The following RBFOX1 variants were observed in gnomAD, a reference collection of about 807,000 sequenced individuals.
The protein encoded by RBFOX1 is RNA binding protein fox-1 homolog 1.
In RBFOX1, 8 loss-of-function variants were observed where a neutral mutation model predicts 57.7. That is an observed-to-expected ratio of 0.14 (90% CI 0.08 to 0.25). The LOEUF (loss-of-function observed/expected upper bound fraction) is 0.25. RBFOX1 is among the 10% of genes least tolerant of loss of function. The pLI is 1.00. For synonymous variants in RBFOX1, 326 were observed against 222.4 expected (o/e 1.47, Z -4.15); for missense variants, 611 against 548.5 (o/e 1.11, Z -1.14).
In RBFOX1 at chr16:6,996,678, T is replaced by G. The variant is rs2092279642; in HGVS notation, c.-15-55379T>G. Among the ~76,000 whole-genome samples, 7 of 152,216 alleles carry G rather than the reference T, an allele frequency of 4.6e-5. No individual in the cohort carries two copies. The South Asian group carries it at 1.5e-3, about 32-fold the overall frequency. ...AGTTTGTCTGAGGTCACAGAGGTAG[T>G]AAGTGGCAGGATTGGGATTCAATTG... is the stretch of plus-strand genomic sequence containing the variant. On this transcript the variant is annotated intron_variant, in intron 3 of 15. Transcript: ENST00000550418.
intron 12 of RBFOX1, among the ~76,000 whole-genome samples, chr16:7,660,447 G>A (rs1225812197): frequency 6.6e-6 from 1 of 151,986 alleles, no homozygotes; most frequent in Middle Eastern, 3.3e-3. Flanking sequence ...ATGGATCCCT[G>A]TGCCTCTTTC....
intron 4 of RBFOX1, among the ~76,000 whole-genome samples, chr16:7,351,900 A>C (rs1295546100): frequency 6.6e-6 from 1 of 152,116 alleles, no homozygotes; most frequent in African/African-American, 2.4e-5. Flanking sequence ...GCTGCCAAGG[A>C]GTTTCCAACC....
chr16:6,975,759 C>G (rs930353909), intron 3 of RBFOX1, among the ~76,000 whole-genome samples: 4 of 152,036 alleles, frequency 2.6e-5, no homozygotes, highest in South Asian at 2.1e-4. Flanking sequence ...TCCTATGACC[C>G]CTAAAGTGTA....
intron 4 of RBFOX1, among the ~76,000 whole-genome samples, chr16:7,250,403 A>G (rs963907943): frequency 6.6e-6 from 1 of 152,314 alleles, no homozygotes; most frequent in Admixed American, 6.5e-5. Context: ...ATATAAAGCC[A>G]TTTCTTCATT....
At chr16:5,627,646 C>T (rs918045467) in intron 3 of RBFOX1, among the ~76,000 whole-genome samples, 6 of 152,112 alleles carry the variant, frequency 3.9e-5, no homozygotes, top group African/African-American at 1.4e-4. Flanking sequence ...AGTAGAAGTA[C>T]AGTTGCCCCT....
chr16:5,776,709 A>G (rs74006282), intron 3 of RBFOX1, among the ~76,000 whole-genome samples: 1 of 152,330 alleles, frequency 6.6e-6, no homozygotes, highest in African/African-American at 2.4e-5. Context: ...TGGGATTTCA[A>G]CCCAGACAGT....
intron 4 of RBFOX1, among the ~76,000 whole-genome samples, chr16:7,511,577 C>G (rs2075094651): frequency 6.6e-6 from 1 of 152,160 alleles, no homozygotes. Context: ...GCAATGATAG[C>G]CAGGCTATTT....
At chr16:7,433,101 G>C (rs376228812) in intron 4 of RBFOX1, among the ~76,000 whole-genome samples, 3 of 152,092 alleles carry the variant, frequency 2.0e-5, no homozygotes, top group Admixed American at 6.5e-5. Flanking sequence ...GGATAGTTGG[G>C]GTTGGTGTGC....
At chr16:5,727,607 A>G (rs2052200800) in intron 3 of RBFOX1, among the ~76,000 whole-genome samples, 1 of 152,186 alleles carries the variant, frequency 6.6e-6, no homozygotes, top group Non-Finnish European at 1.5e-5. Context: ...CAAAGTTTGT[A>G]TACTTAGACC....
At chr16:7,618,829 C>A (rs1222696650) in intron 10 of RBFOX1, among the ~76,000 whole-genome samples, 1 of 152,158 alleles carries the variant, frequency 6.6e-6, no homozygotes, top group Non-Finnish European at 1.5e-5. Flanking sequence ...GTAACTTCAT[C>A]AGTGACAGTT....
At chr16:7,172,763 G>T (rs778001611) in intron 4 of RBFOX1, among the ~76,000 whole-genome samples, 2 of 152,156 alleles carry the variant, frequency 1.3e-5, no homozygotes, top group Non-Finnish European at 2.9e-5. Context: ...AGAGGTGTCA[G>T]TCTTGGCTTT....
chr16:6,794,860 T>C (rs1406146823), intron 3 of RBFOX1, among the ~76,000 whole-genome samples: 1 of 152,126 alleles, frequency 6.6e-6, no homozygotes, highest in African/African-American at 2.4e-5. Flanking sequence ...CAAGGGCTTT[T>C]TTCCCCCTAT....
At chr16:7,031,325 A>G (rs183074780) in intron 3 of RBFOX1, among the ~76,000 whole-genome samples, 33 of 152,190 alleles carry the variant, frequency 2.2e-4, no homozygotes, top group South Asian at 4.1e-4. Flanking sequence ...GCTGGGTGCT[A>G]TGGCTCATAC....
intron 3 of RBFOX1, among the ~76,000 whole-genome samples, chr16:5,657,894 G>A (rs980624152): frequency 7.9e-5 from 12 of 151,570 alleles, no homozygotes; most frequent in African/African-American, 2.4e-4. Context: ...ACAACGCCAG[G>A]CTAATTTTTG....
intron 4 of RBFOX1, among the ~76,000 whole-genome samples, chr16:7,480,991 C>A (rs7191571): frequency 1.3e-5 from 2 of 151,986 alleles, no homozygotes; most frequent in African/African-American, 4.8e-5. Context: ...CTGCTACCTG[C>A]CATGCATGAT....
intron 4 of RBFOX1, among the ~76,000 whole-genome samples, chr16:7,499,190 A>G (rs2069762570): frequency 6.6e-6 from 1 of 152,166 alleles, no homozygotes; most frequent in African/African-American, 2.4e-5. Context: ...GAGTGCTGGG[A>G]GGACAATCTG....
intron 3 of RBFOX1, among the ~76,000 whole-genome samples, chr16:6,947,925 A>C (rs1475520106): frequency 1.3e-5 from 2 of 152,020 alleles, no homozygotes; most frequent in South Asian, 2.1e-4. Context: ...TACAGGCTCA[A>C]CCCACCATGC....
chr16:7,076,777 A>G (rs1006853026), intron 4 of RBFOX1, among the ~76,000 whole-genome samples: 1 of 152,226 alleles, frequency 6.6e-6, no homozygotes, highest in Non-Finnish European at 1.5e-5. Flanking sequence ...TTAAACTTCC[A>G]TTCCAATGTC....
intron 4 of RBFOX1, among the ~76,000 whole-genome samples, chr16:7,273,450 TTCTC>T (rs1031088189): frequency 1.8e-4 from 28 of 152,228 alleles, no homozygotes; most frequent in Admixed American, 2.0e-4. Flanking sequence ...TCATTTTAGA[TTCTC>T]TCTGCTGCAT....
Sources: gnomAD v4.1 joint callset for allele counts (sites outside exome capture counted in the v4.1 genomes callset) on GRCh38, gnomAD v4.1.1 for gene constraint, MANE v1.5 for transcripts, NCBI Gene and HGNC (gene_info 2026-07-23, HGNC 2026-07-21) for gene names.